PLAAT5: variants seen among roughly 807,000 people sequenced by gnomAD.
The protein encoded by PLAAT5 is Ca(2+)-independent N-acyltransferase.
Under a neutral mutation model 27.8 loss-of-function variants are expected in PLAAT5, and 27 were observed. The ratio of observed to expected loss-of-function variants is 0.97; its 90% CI spans 0.72 to 1.34. The LOEUF (loss-of-function observed/expected upper bound fraction) is 1.34, where lower values mean the gene tolerates loss of function less well. PLAAT5 is among the 40% of genes most tolerant of loss of function. The pLI is 0.00. For synonymous variants in PLAAT5, 125 were observed against 136.1 expected (o/e 0.92, Z 0.57); for missense variants, 368 against 343.8 (o/e 1.07, Z -0.56).
At chr11:63,476,792 C>CT (rs2016162401) in intron 3 of PLAAT5, among the ~76,000 whole-genome samples, 2 of 152,090 alleles carry the variant, frequency 1.3e-5, no homozygotes, top group African/African-American at 4.8e-5. Context: ...TATCATCTCT[C>CT]TTTCTGGGAC....
rs1266480285 is a variant in PLAAT5, at chr11:63,491,160, G to C, written c.-126C>G. ...TTGGGCACTGGGGGCGGCTCGGGGAGGAACCGCGGAGGGGAAAGCGCCGCG... is the reference window on the plus strand; with the variant it reads ...TTGGGCACTGGGGGCGGCTCGGGGACGAACCGCGGAGGGGAAAGCGCCGCG... On this transcript the variant is annotated 5_prime_UTR_variant, in exon 1 of 6. Transcript: ENST00000540857. The C allele has an allele frequency of 3.6e-6, 3 of 829,364 alleles. No individual in the cohort carries two copies. In the Admixed American group the frequency reaches 1.3e-4, roughly 35 times the overall value. 51.4% of individuals were successfully genotyped at this position (829,364 alleles called of 1,614,324 possible). A position where few individuals can be genotyped will look rare whatever the true frequency, so the allele number is the denominator to read the frequency against.
chr11:63,468,946 C>T (rs985095133), intron 3 of PLAAT5, among the ~76,000 whole-genome samples: 2 of 151,950 alleles, frequency 1.3e-5, no homozygotes, highest in African/African-American at 4.8e-5. Flanking sequence ...ATCCTCAAGG[C>T]CTCCTGCCCC....
At chr11:63,488,420 TG>T (rs1436673014) in intron 3 of PLAAT5, among the ~76,000 whole-genome samples, 1 of 152,198 alleles carries the variant, frequency 6.6e-6, no homozygotes, top group African/African-American at 2.4e-5. Flanking sequence ...TACACTTCAC[TG>T]GCATATATAT....
intron 3 of PLAAT5, among the ~76,000 whole-genome samples, chr11:63,477,278 C>T (rs2016173759): frequency 6.6e-6 from 1 of 152,012 alleles, no homozygotes; most frequent in African/African-American, 2.4e-5. Flanking sequence ...TGTTGAAAAA[C>T]TGGACGTTCT....
chr11:63,468,339 T>C lies in PLAAT5; in HGVS notation c.454+18A>G, dbSNP rs755732896. Reference sequence around the variant, plus strand: ...GCTAACTTCAATATCAGTATTTCAATAGACTATTCACTCTTACTTGGGGGA... The same window carrying C: ...GCTAACTTCAATATCAGTATTTCAACAGACTATTCACTCTTACTTGGGGGA... On this transcript the variant is annotated intron_variant, in intron 4 of 5. Coordinates refer to ENST00000540857, the MANE Select transcript of PLAAT5 (RefSeq NM_001146729.2). 1.4e-5 allele frequency: 22 copies of C among 1,543,392 alleles called. No individual in the cohort carries two copies. The Admixed American group carries it at 3.4e-4, about 24-fold the overall frequency.
chr11:63,477,176 A>C (rs1486157263), intron 3 of PLAAT5, among the ~76,000 whole-genome samples: 1 of 152,146 alleles, frequency 6.6e-6, no homozygotes. Context: ...TATTTGCTAC[A>C]TGCAACATGT....
chr11:63,461,404 A>G lies in PLAAT5; in HGVS notation c.*2099T>C, dbSNP rs1437107493. 6.6e-6 allele frequency: 1 copy of G among 152,140 alleles called. No individual in the cohort carries two copies. Among genetic ancestry groups the G allele is most frequent in the Non-Finnish European group, 1.5e-5 (1 of 68,026 alleles). The allele number at this position is 152,140 out of a possible 1,614,324, so 9.4% of individuals were successfully genotyped here. A position where few individuals can be genotyped will look rare whatever the true frequency, so the allele number is the denominator to read the frequency against. On this transcript the variant is annotated 3_prime_UTR_variant, in exon 6 of 6. Coordinates refer to ENST00000540857, the MANE Select transcript of PLAAT5 (RefSeq NM_001146729.2). The stretch of plus-strand genomic sequence containing the variant: ...CCAAAAAGTGAAAAATAAGCACACA[A>G]ACAAGTGACTAGTGTTTAATCTCAG...
At chr11:63,488,850 G>A (rs767836063) in intron 3 of PLAAT5, 21 bp downstream of exon 3, 3 of 1,541,436 alleles carry the variant, frequency 1.9e-6, no homozygotes, top group South Asian at 1.1e-5. Flanking sequence ...TAGTCACTTT[G>A]AGAATTCTTG....
chr11:63,480,200 C>T lies in PLAAT5; in HGVS notation c.345+8671G>A, dbSNP rs530559112. On this transcript the variant is annotated intron_variant, in intron 3 of 5. Transcript: ENST00000540857. ...TACTTCCCACTCAACATGGCTAGGT[C>T]ATTCCCTATGACAACAAACAAGCAA... Among the ~76,000 whole-genome samples, 17 of 152,342 alleles carry T rather than the reference C, an allele frequency of 1.1e-4. No homozygotes were observed. The South Asian group carries it at 3.5e-3, about 32-fold the overall frequency.
At position 63,488,881 on chromosome 11, in the gene PLAAT5, T is replaced by C; in HGVS notation, c.335A>G (p.Gln112Arg). Residue 112 changes from glutamine (Q) to arginine (R), a missense_variant, in exon 3 of 6, where the codon CAA becomes CGA. Gln to Arg is a conservative substitution (Grantham distance 43, BLOSUM62 1). Coordinates refer to ENST00000540857, the MANE Select transcript of PLAAT5 (RefSeq NM_001146729.2). Reference sequence around the variant, plus strand: ...TCTTGTTACACCTACCTCAGCTGCTTGCTTTATTAACTTGCCTTCATTCTC... The same window carrying C: ...TCTTGTTACACCTACCTCAGCTGCTCGCTTTATTAACTTGCCTTCATTCTC... ...KPENEGKLIK[Q>R]AAEGKPRPRP... 6.2e-7 allele frequency: 1 copy of C among 1,611,514 alleles called. No homozygotes were observed. The highest frequency in any genetic ancestry group is 8.5e-7 in the Non-Finnish European group (1 of 1,177,832).
chr11:63,472,949 C>CA (rs746217655), intron 3 of PLAAT5, among the ~76,000 whole-genome samples: 2,700 of 140,958 alleles, frequency 0.019, 62 homozygotes, highest in African/African-American at 0.059. Context: ...ATTAAAAATA[C>CA]AAAAAAAAAA....
intron 3 of PLAAT5, among the ~76,000 whole-genome samples, chr11:63,473,246 TAAGTC>T (rs2016073212): frequency 6.6e-6 from 1 of 152,250 alleles, no homozygotes; most frequent in South Asian, 2.1e-4. Context: ...GTGCGTCAGA[TAAGTC>T]AATTGGCGCC....
intron 3 of PLAAT5, among the ~76,000 whole-genome samples, chr11:63,473,025 G>A (rs1215240014): frequency 2.0e-5 from 3 of 152,016 alleles, no homozygotes; most frequent in Admixed American, 6.5e-5. Context: ...CACGAGAATC[G>A]CTTGAATCCG....
intron 3 of PLAAT5, among the ~76,000 whole-genome samples, chr11:63,484,837 A>G (rs1057259415): frequency 6.6e-6 from 1 of 152,234 alleles, no homozygotes; most frequent in South Asian, 2.1e-4. Context: ...CCAAATCAGT[A>G]AAAAGGAAGT....
At chr11:63,463,745 A>G (rs2015781248) in intron 5 of PLAAT5, 150 bp from the exon 6 acceptor site, 1 of 630,224 alleles carries the variant, frequency 1.6e-6, no homozygotes, top group Admixed American at 2.6e-5. Context: ...TATATTTTCA[A>G]AACTCCTAGA....
At chr11:63,464,733 A>G (rs559965124) in intron 5 of PLAAT5, among the ~76,000 whole-genome samples, 19 of 152,338 alleles carry the variant, frequency 1.2e-4, no homozygotes, top group African/African-American at 4.3e-4. Context: ...ACCTATTAAC[A>G]TGAATAGCCC....
rs1295053749 is a variant in PLAAT5 at position 63,461,708 on chromosome 11, G to C, written c.*1795C>G. 1.3e-5 allele frequency: 2 copies of C among 152,128 alleles called. No homozygotes were observed. The highest frequency in any genetic ancestry group is 6.5e-5 in the Admixed American group (1 of 15,272). The allele number at this position is 152,128 out of a possible 1,614,324, so 9.4% of individuals were successfully genotyped here. A position where few individuals can be genotyped will look rare whatever the true frequency, so the allele number is the denominator to read the frequency against. ...TGATGGACAGCTTGGAAGTGGAAGGGACCAATGTCCAGCAAGTGGACTTTG... is the reference window on the plus strand; with the variant it reads ...TGATGGACAGCTTGGAAGTGGAAGGCACCAATGTCCAGCAAGTGGACTTTG... On this transcript the variant is annotated 3_prime_UTR_variant, in exon 6 of 6. Coordinates refer to ENST00000540857, the MANE Select transcript of PLAAT5 (RefSeq NM_001146729.2).
chr11:63,463,465 G>T lies in PLAAT5; in HGVS notation c.*38C>A, dbSNP rs1454388437. The stretch of plus-strand genomic sequence containing the variant: ...AAGGAAGCATGTTCTTTTTGCTTGT[G>T]TCAGTAACTCTTCCTCTAGCTGGAG... On this transcript the variant is annotated 3_prime_UTR_variant, in exon 6 of 6. Coordinates refer to ENST00000540857, the MANE Select transcript of PLAAT5 (RefSeq NM_001146729.2). The T allele has an allele frequency of 4.7e-6, 7 of 1,478,188 alleles. No individual in the cohort carries two copies. Among genetic ancestry groups the T allele is most frequent in the Non-Finnish European group, 6.6e-6 (7 of 1,058,582 alleles). The allele number at this position is 1,478,188 out of a possible 1,614,324, so 91.6% of individuals were successfully genotyped here.
chr11:63,464,609 T>G (rs1254339599), intron 5 of PLAAT5, among the ~76,000 whole-genome samples: 1 of 151,896 alleles, frequency 6.6e-6, no homozygotes, highest in African/African-American at 2.4e-5. Context: ...TGAGCCGAGA[T>G]CACGCCATCG....
Sources: allele counts gnomAD v4.1 joint callset (sites outside exome capture counted in the v4.1 genomes callset), GRCh38; gene constraint gnomAD v4.1.1; transcripts MANE v1.5; gene names NCBI Gene and HGNC (gene_info 2026-07-23, HGNC 2026-07-21).